LYZL4: variants seen among roughly 807,000 people sequenced by gnomAD.
The protein encoded by LYZL4 is lysozyme like 4.
Under a neutral mutation model 17.6 loss-of-function variants are expected in LYZL4, and 13 were observed. That is an observed-to-expected ratio of 0.74 (90% confidence interval 0.48 to 1.18). The LOEUF is 1.18. Among genes scored for constraint, LYZL4 ranks in the 50% most tolerant of loss-of-function variants. The pLI is 0.00. For synonymous variants in LYZL4, 64 were observed against 67.7 expected, an observed-to-expected ratio of 0.95 and a Z score of 0.27; for missense variants, 174 against 188.2, an observed-to-expected ratio of 0.92 and a Z score of 0.44.
chr3:42,372,480 G>A, the LYZL4 span, among the ~76,000 whole-genome samples: 1 of 152,212 alleles, frequency 6.6e-6, no homozygotes, highest in Non-Finnish European at 1.5e-5. Context: ...ATGACAGTGG[G>A]GAAGTGAGTT....
the LYZL4 span, among the ~76,000 whole-genome samples, chr3:42,363,960 G>A: frequency 2.6e-5 from 4 of 152,292 alleles, no homozygotes; most frequent in South Asian, 2.1e-4. Context: ...ACTGTGATGC[G>A]GTGACCTGGC....
the LYZL4 span, among the ~76,000 whole-genome samples, chr3:42,362,166 T>G: frequency 2.0e-5 from 3 of 152,158 alleles, no homozygotes; most frequent in Non-Finnish European, 2.9e-5. Flanking sequence ...ATTGCTGCCC[T>G]TGAAGATAAC....
intron 4 of LYZL4, among the ~76,000 whole-genome samples, chr3:42,402,225 G>A (rs1402190936): frequency 6.6e-6 from 1 of 150,642 alleles, no homozygotes; most frequent in Non-Finnish European, 1.5e-5. Context: ...AGGATCACTT[G>A]AGCCCAGGAG....
chr3:42,383,352 G>T, the LYZL4 span, among the ~76,000 whole-genome samples: 1 of 150,418 alleles, frequency 6.6e-6, no homozygotes, highest in Non-Finnish European at 1.5e-5. Flanking sequence ...CCTGACATCA[G>T]TGATGCCTGC....
the LYZL4 span, among the ~76,000 whole-genome samples, chr3:42,367,071 G>A: frequency 6.6e-6 from 1 of 152,192 alleles, no homozygotes; most frequent in Non-Finnish European, 1.5e-5. Context: ...CAGTGCCATG[G>A]GGATCAGCTC....
At chr3:42,390,423 C>A in the LYZL4 span, among the ~76,000 whole-genome samples, 1 of 152,210 alleles carries the variant, frequency 6.6e-6, no homozygotes, top group Non-Finnish European at 1.5e-5. Flanking sequence ...TTCTCCAAGA[C>A]TGGCCTGCCC....
chr3:42,399,810 A>T (rs968379554), intron 4 of LYZL4, among the ~76,000 whole-genome samples: 1 of 152,112 alleles, frequency 6.6e-6, no homozygotes, highest in African/African-American at 2.4e-5. Context: ...CAACGAGCAC[A>T]TAGGGGGTTT....
At chr3:42,368,656 G>A in the LYZL4 span, among the ~76,000 whole-genome samples, 2 of 151,974 alleles carry the variant, frequency 1.3e-5, no homozygotes, top group South Asian at 2.1e-4. Flanking sequence ...TAAGGGCACC[G>A]TATTGCTCAG....
chr3:42,398,495 A>C (rs1698595320), intron 4 of LYZL4, among the ~76,000 whole-genome samples: 1 of 152,232 alleles, frequency 6.6e-6, no homozygotes, highest in Non-Finnish European at 1.5e-5. Context: ...GTTAACATTA[A>C]TAAGGGGACT....
chr3:42,383,292 A>T, the LYZL4 span, among the ~76,000 whole-genome samples: 2 of 152,168 alleles, frequency 1.3e-5, no homozygotes, highest in African/African-American at 4.8e-5. Context: ...GGGAGGCTGC[A>T]GCAACCTTCT....
chr3:42,395,988 C>T (rs1272756808), downstream of LYZL4, among the ~76,000 whole-genome samples: 5 of 151,866 alleles, frequency 3.3e-5, no homozygotes, highest in Admixed American at 6.6e-5. Flanking sequence ...CTTGAACCTG[C>T]GGGGTGGAGG....
At chr3:42,361,117 CT>C in the LYZL4 span, among the ~76,000 whole-genome samples, 3 of 152,280 alleles carry the variant, frequency 2.0e-5, no homozygotes, top group Non-Finnish European at 2.9e-5. Flanking sequence ...TCTAGTTTAT[CT>C]TTCCAGTGTT....
At chr3:42,376,452 C>T in the LYZL4 span, among the ~76,000 whole-genome samples, 2 of 152,226 alleles carry the variant, frequency 1.3e-5, no homozygotes, top group Admixed American at 6.5e-5. Context: ...CCAGGGAGAA[C>T]ATGTGCTCAT....
At chr3:42,365,746 A>G in the LYZL4 span, among the ~76,000 whole-genome samples, 2 of 152,194 alleles carry the variant, frequency 1.3e-5, no homozygotes, top group African/African-American at 4.8e-5. Flanking sequence ...CAATATTTTA[A>G]TCTACCACAA....
the LYZL4 span, among the ~76,000 whole-genome samples, chr3:42,389,420 C>T: frequency 6.6e-6 from 1 of 152,136 alleles, no homozygotes; most frequent in East Asian, 1.9e-4. Context: ...TTTCTGACTC[C>T]CTGCACCACA....
the LYZL4 span, among the ~76,000 whole-genome samples, chr3:42,363,131 T>C: frequency 6.6e-6 from 1 of 152,202 alleles, no homozygotes; most frequent in Non-Finnish European, 1.5e-5. Flanking sequence ...GCATGGTCTC[T>C]TTGAAAATAA....
chr3:42,396,344 T>C (rs1167668960), downstream of LYZL4, among the ~76,000 whole-genome samples: 1 of 152,240 alleles, frequency 6.6e-6, no homozygotes, highest in East Asian at 1.9e-4. Context: ...GTGCTCTTGC[T>C]GCTGCTGCTA....
In LYZL4 at chr3:42,409,530, C is replaced by T. The variant is rs549765565; in HGVS notation, c.-93+887G>A. On this transcript the variant is annotated intron_variant, in intron 1 of 4. Transcript: ENST00000287748. Reference sequence around the variant, plus strand: ...TCGTAGAAGGCATACTGAGTCCTCTCCTCCCCTCTCCCCCAGAAGCCAGTT... The same window carrying T: ...TCGTAGAAGGCATACTGAGTCCTCTTCTCCCCTCTCCCCCAGAAGCCAGTT... 9.8e-5 allele frequency among the ~76,000 whole-genome samples: 15 copies of T among 152,338 alleles called. No homozygotes were observed. In the South Asian group the frequency reaches 1.9e-3, roughly 19 times the overall value.
the LYZL4 span, among the ~76,000 whole-genome samples, chr3:42,362,141 A>G: frequency 2.0e-5 from 3 of 152,244 alleles, no homozygotes; most frequent in Non-Finnish European, 4.4e-5. Context: ...AGAGGGGAAA[A>G]AAGAAAAAAT....
Sources: allele counts gnomAD v4.1 joint callset (sites outside exome capture counted in the v4.1 genomes callset), GRCh38; gene constraint gnomAD v4.1.1; transcripts MANE v1.5; gene names NCBI Gene and HGNC (gene_info 2026-07-23, HGNC 2026-07-21).